PIP4K2A: variants seen among roughly 807,000 people sequenced by gnomAD.
PIP4K2A encodes phosphatidylinositol 5-phosphate 4-kinase type-2 alpha.
Under a neutral mutation model 42.9 loss-of-function variants are expected in PIP4K2A, and 14 were observed. That is an observed-to-expected ratio of 0.33 (90% confidence interval 0.22 to 0.51). PIP4K2A has a LOEUF of 0.51. Ranked by LOEUF, PIP4K2A falls within the 20% of genes least tolerant of loss-of-function variation. The pLI is 0.97. For synonymous variants in PIP4K2A, 192 were observed against 192.2 expected (o/e 1.00, Z 0.01); for missense variants, 434 against 519.8 (o/e 0.83, Z 1.61).
chr10:22,709,858 G>A (rs371770230), intron 1 of PIP4K2A, among the ~76,000 whole-genome samples: 1 of 151,684 alleles, frequency 6.6e-6, no homozygotes, highest in Non-Finnish European at 1.5e-5. Flanking sequence ...AGATTAAAAA[G>A]AACAAAAAAA....
At chr10:22,623,470 T>C (rs1838374295) in intron 1 of PIP4K2A, among the ~76,000 whole-genome samples, 1 of 152,140 alleles carries the variant, frequency 6.6e-6, no homozygotes, top group Non-Finnish European at 1.5e-5. Context: ...CAGCAGAGCT[T>C]CTCTATGTAC....
At position 22,536,286 on chromosome 10, in the gene PIP4K2A, C is replaced by T; in HGVS notation, c.*915G>A. On this transcript the variant is annotated 3_prime_UTR_variant, in exon 10 of 10. Transcript: ENST00000376573. Reference sequence around the variant, plus strand: ...GTAGATACCATTGCCCCAAACTATGCACTTTTCAGGTAAGCTTTACTTTTA... The same window carrying T: ...GTAGATACCATTGCCCCAAACTATGTACTTTTCAGGTAAGCTTTACTTTTA... 2.5e-6 allele frequency: 1 copy of T among 395,756 alleles called. No individual in the cohort carries two copies. Among genetic ancestry groups the T allele is most frequent in the Non-Finnish European group, 4.5e-6 (1 of 224,698 alleles). 24.5% of individuals were successfully genotyped at this position (395,756 alleles called of 1,614,324 possible). A position where few individuals can be genotyped will look rare whatever the true frequency, so the allele number is the denominator to read the frequency against.
chr10:22,582,635 C>T (rs1837305005), intron 4 of PIP4K2A, among the ~76,000 whole-genome samples: 1 of 151,902 alleles, frequency 6.6e-6, no homozygotes, highest in South Asian at 2.1e-4. Flanking sequence ...GTAATCCTTA[C>T]TGTGCCATGG....
At chr10:22,580,026 C>A (rs890554350) in intron 4 of PIP4K2A, among the ~76,000 whole-genome samples, 2 of 151,828 alleles carry the variant, frequency 1.3e-5, no homozygotes, top group Non-Finnish European at 2.9e-5. Context: ...GCAGCCAAGG[C>A]CCCGAGGTGA....
intron 1 of PIP4K2A, among the ~76,000 whole-genome samples, chr10:22,634,773 G>C (rs1489782039): frequency 1.3e-5 from 2 of 152,032 alleles, no homozygotes; most frequent in Admixed American, 6.6e-5. Flanking sequence ...ACACAACTAT[G>C]ACATAAAGCA....
At chr10:22,695,880 T>TCGAATC (rs1839960486) in intron 1 of PIP4K2A, among the ~76,000 whole-genome samples, 1 of 152,184 alleles carries the variant, frequency 6.6e-6, no homozygotes, top group Non-Finnish European at 1.5e-5. Context: ...CCGTGGTTGG[T>TCGAATC]TGAATCTGAA....
At chr10:22,633,302 C>G (rs1457912959) in intron 1 of PIP4K2A, among the ~76,000 whole-genome samples, 1 of 152,210 alleles carries the variant, frequency 6.6e-6, no homozygotes, top group Non-Finnish European at 1.5e-5. Context: ...ACCTGCTCAA[C>G]TACTTAAAGT....
chr10:22,659,622 G>A (rs1839164544), intron 1 of PIP4K2A: 1 of 152,186 alleles, frequency 6.6e-6, no homozygotes, highest in African/African-American at 2.4e-5. Context: ...CTTAAGGGTT[G>A]GTAGATTCTT....
At chr10:22,544,647 T>C (rs778897119) in intron 7 of PIP4K2A, among the ~76,000 whole-genome samples, 15 of 152,202 alleles carry the variant, frequency 9.9e-5, no homozygotes, top group Non-Finnish European at 1.6e-4. Context: ...CAACCACCCC[T>C]CCAGTCCTCT....
chr10:22,639,845 C>A (rs1838742290), intron 1 of PIP4K2A, among the ~76,000 whole-genome samples: 1 of 152,068 alleles, frequency 6.6e-6, no homozygotes, highest in African/African-American at 2.4e-5. Flanking sequence ...ATGTCTTCAG[C>A]CACGTAAATT....
chr10:22,536,047 T>C lies in PIP4K2A; in HGVS notation c.*1154A>G. ...TTACATGTAAACTTCAAAAATCACA[T>C]GCTGTACATCAAATTTTTAGATTCA... On this transcript the variant is annotated 3_prime_UTR_variant, in exon 10 of 10. Coordinates refer to ENST00000376573, the MANE Select transcript of PIP4K2A (RefSeq NM_005028.5). 2.5e-6 allele frequency: 1 copy of C among 398,528 alleles called. No individual in the cohort carries two copies. Among genetic ancestry groups the C allele is most frequent in the East Asian group, 3.6e-5 (1 of 28,042 alleles). 24.7% of individuals were successfully genotyped at this position (398,528 alleles called of 1,614,324 possible).
chr10:22,615,075 G>T (rs566501449), intron 1 of PIP4K2A, among the ~76,000 whole-genome samples: 1 of 152,196 alleles, frequency 6.6e-6, no homozygotes, highest in South Asian at 2.1e-4. Context: ...CCCTAAAATT[G>T]ATAACTAACA....
intron 1 of PIP4K2A, among the ~76,000 whole-genome samples, chr10:22,664,081 A>ATATACATATATATATACGTATG (rs1564459855): frequency 2.4e-5 from 2 of 82,032 alleles, no homozygotes; most frequent in Non-Finnish European, 4.1e-5. Flanking sequence ...ATATACGTAT[A>ATATACATATATATATACGTATG]TATATATACA....
intron 6 of PIP4K2A, among the ~76,000 whole-genome samples, chr10:22,557,189 C>T (rs1564419524): frequency 6.6e-6 from 1 of 152,144 alleles, no homozygotes; most frequent in African/African-American, 2.4e-5. Flanking sequence ...AAGTTCAGAG[C>T]CCTCATTTTT....
intron 1 of PIP4K2A, among the ~76,000 whole-genome samples, chr10:22,627,005 C>T (rs1306030238): frequency 6.6e-6 from 1 of 152,144 alleles, no homozygotes; most frequent in Non-Finnish European, 1.5e-5. Context: ...GGAAAAAGGG[C>T]ATTTGCCATC....
intron 1 of PIP4K2A, among the ~76,000 whole-genome samples, chr10:22,711,276 T>G (rs189923278): frequency 1.8e-4 from 28 of 152,326 alleles, no homozygotes; most frequent in Admixed American, 1.6e-3. Context: ...AGTTGTTATG[T>G]TTCAATCAAA....
intron 1 of PIP4K2A, among the ~76,000 whole-genome samples, chr10:22,706,148 G>A (rs931786294): frequency 2.6e-5 from 4 of 152,056 alleles, no homozygotes; most frequent in African/African-American, 9.7e-5. Context: ...GGGATTATGG[G>A]TACAATTCAA....
intron 1 of PIP4K2A, among the ~76,000 whole-genome samples, chr10:22,659,077 C>T (rs1030508772): frequency 6.6e-6 from 1 of 152,208 alleles, no homozygotes; most frequent in African/African-American, 2.4e-5. Context: ...GTTTGTCAAA[C>T]CACCACCCCT....
intron 1 of PIP4K2A, among the ~76,000 whole-genome samples, chr10:22,702,578 T>A (rs547899079): frequency 2.4e-4 from 36 of 152,326 alleles, no homozygotes; most frequent in Non-Finnish European, 3.5e-4. Context: ...GCTGTAAACA[T>A]AACCTCTTTC....
Sources: gnomAD v4.1 joint callset for allele counts (sites outside exome capture counted in the v4.1 genomes callset) on GRCh38, gnomAD v4.1.1 for gene constraint, MANE v1.5 for transcripts, NCBI Gene and HGNC (gene_info 2026-07-23, HGNC 2026-07-21) for gene names.